SGCD: variants seen among roughly 807,000 people sequenced by gnomAD.
SGCD encodes the protein delta-sarcoglycan.
Under a neutral mutation model 36.6 loss-of-function variants are expected in SGCD, and 18 were observed. The ratio of observed to expected loss-of-function variants is 0.49; its 90% CI spans 0.34 to 0.73. The LOEUF is 0.73. Ranked by LOEUF, SGCD falls within the 30% of genes least tolerant of loss-of-function variation. The pLI is 0.01. For missense variants in SGCD, 387 were observed against 346.7 expected (o/e 1.12, Z -0.92); for synonymous variants, 133 against 130.6 (o/e 1.02, Z -0.12).
intron 3 of SGCD, among the ~76,000 whole-genome samples, chr5:156,406,534 T>A (rs1399361975): frequency 6.6e-6 from 1 of 151,978 alleles, no homozygotes; most frequent in East Asian, 1.9e-4. Context: ...GATTTCTACA[T>A]GTGTCCTTCA....
chr5:156,382,643 T>C (rs1246562570), intron 3 of SGCD, among the ~76,000 whole-genome samples: 2 of 152,152 alleles, frequency 1.3e-5, no homozygotes, highest in Non-Finnish European at 2.9e-5. Flanking sequence ...ATAATAATAA[T>C]AGTAGGGATA....
At chr5:156,557,300 G>C (rs1231279527) in intron 4 of SGCD, among the ~76,000 whole-genome samples, 1 of 152,160 alleles carries the variant, frequency 6.6e-6, no homozygotes, top group African/African-American at 2.4e-5. Flanking sequence ...GATGGGAGGT[G>C]TTAATCATAA....
intron 3 of SGCD, among the ~76,000 whole-genome samples, chr5:156,132,458 C>CTTGTTTTTTTTTTT (rs1762348299): frequency 1.9e-5 from 1 of 51,790 alleles, no homozygotes; most frequent in Non-Finnish European, 3.5e-5. Context: ...CTTACCAAGT[C>CTTGTTTTTTTTTTT]TTTTTTTTTT....
chr5:155,959,247 T>A (rs1757736791), intron 1 of SGCD, among the ~76,000 whole-genome samples: 1 of 152,156 alleles, frequency 6.6e-6, no homozygotes, highest in Admixed American at 6.5e-5. Flanking sequence ...TATATCTTCA[T>A]TCATTCCTTT....
intron 3 of SGCD, among the ~76,000 whole-genome samples, chr5:156,211,389 C>T (rs1345877806): frequency 1.3e-5 from 2 of 152,030 alleles, no homozygotes; most frequent in Non-Finnish European, 2.9e-5. Context: ...GGGCGGATCA[C>T]GTGGTCAGGA....
intron 7 of SGCD, among the ~76,000 whole-genome samples, chr5:156,692,277 A>G (rs899719785): frequency 6.6e-6 from 1 of 152,200 alleles, no homozygotes; most frequent in African/African-American, 2.4e-5. Context: ...ATCAATTGAC[A>G]GTAGTTGCCT....
At chr5:156,695,441 A>C (rs1406759282) in intron 7 of SGCD, among the ~76,000 whole-genome samples, 1 of 152,056 alleles carries the variant, frequency 6.6e-6, no homozygotes, top group African/African-American at 2.4e-5. Flanking sequence ...GCCAGCCTCC[A>C]TAATTGCATA....
At chr5:156,327,860 A>C (rs1178512013) in intron 1 of SGCD, among the ~76,000 whole-genome samples, 1 of 152,220 alleles carries the variant, frequency 6.6e-6, no homozygotes, top group Non-Finnish European at 1.5e-5. Flanking sequence ...CAACATTTGT[A>C]ATTCTGTTTC....
At chr5:156,107,044 A>C (rs1238069754) in intron 1 of SGCD, among the ~76,000 whole-genome samples, 1 of 152,108 alleles carries the variant, frequency 6.6e-6, no homozygotes, top group African/African-American at 2.4e-5. Context: ...CCTTGTCTAC[A>C]GGCTGAGGTC....
At position 155,978,465 on chromosome 5, in the gene SGCD, A is replaced by G. The variant is rs143298892; in HGVS notation, c.-282+108041A>G. Among the ~76,000 whole-genome samples, 708 of 152,366 alleles carry G rather than the reference A, an allele frequency of 4.6e-3. 6 individuals are homozygous for G. Among genetic ancestry groups the G allele is most frequent in the African/African-American group, 0.016 (658 of 41,586 alleles). Reference sequence around the variant, plus strand: ...AACACAGGCCATAGTGAAAGTCTCAATGATAGTGTGGCAACTGTGTCAATG... The same window carrying G: ...AACACAGGCCATAGTGAAAGTCTCAGTGATAGTGTGGCAACTGTGTCAATG... On this transcript the variant is annotated intron_variant, in intron 1 of 9. Coordinates refer to the SGCD transcript ENST00000517913.
chr5:155,845,852 T>C, the SGCD span, among the ~76,000 whole-genome samples: 1 of 152,218 alleles, frequency 6.6e-6, no homozygotes, highest in Non-Finnish European at 1.5e-5. Context: ...CAGAATGCTA[T>C]CTGAATTATG....
Position 156,344,680 on chromosome 5 carries a change from A to T in SGCD, c.192+3A>T. Reference sequence around the variant, plus strand: ...TCAAAGTCATGAACTTCACAATTGTAAGTAAAACCATCTAGGTTTGTTTAG... The same window carrying T: ...TCAAAGTCATGAACTTCACAATTGTTAGTAAAACCATCTAGGTTTGTTTAG... On this transcript the variant is annotated splice_donor_region_variant and intron_variant, in intron 3 of 8. Coordinates refer to ENST00000337851, the MANE Select transcript of SGCD (RefSeq NM_000337.6). The T allele has an allele frequency of 6.3e-7, 1 of 1,594,758 alleles. No individual in the cohort carries two copies. The highest frequency in any genetic ancestry group is 8.5e-7 in the Non-Finnish European group (1 of 1,170,512).
intron 3 of SGCD, among the ~76,000 whole-genome samples, chr5:156,165,148 C>T (rs1248935101): frequency 6.6e-6 from 1 of 151,994 alleles, no homozygotes; most frequent in Non-Finnish European, 1.5e-5. Context: ...GCAGGAGTTC[C>T]GGAGGGAAGG....
At chr5:156,426,697 C>A (rs1314346213) in intron 3 of SGCD, among the ~76,000 whole-genome samples, 2 of 152,038 alleles carry the variant, frequency 1.3e-5, no homozygotes, top group Admixed American at 1.3e-4. Context: ...GGTTTCAGCT[C>A]TTAGATTTAA....
intron 1 of SGCD, among the ~76,000 whole-genome samples, chr5:156,096,913 C>T (rs1761390230): frequency 6.6e-6 from 1 of 152,068 alleles, no homozygotes; most frequent in Admixed American, 6.5e-5. Context: ...TCTTAGTTTT[C>T]CTTCATCTGA....
chr5:156,470,966 C>CT lies in SGCD; in HGVS notation c.193-37626dup, dbSNP rs546954725. On this transcript the variant is annotated intron_variant, in intron 3 of 8. Transcript: ENST00000337851. ...AGCTCAATCAAAATCCCTAAGCCTT[C>CT]TTTTTTTTTGATGTTGAATCTGAAG... is the stretch of plus-strand genomic sequence containing the variant. 3.2e-3 allele frequency among the ~76,000 whole-genome samples: 484 copies of CT among 151,176 alleles called. 7 individuals carry two copies. Among genetic ancestry groups the CT allele is most frequent in the African/African-American group, 4.3e-3 (179 of 41,316 alleles).
upstream of SGCD, among the ~76,000 whole-genome samples, chr5:156,323,088 G>A (rs1055744551): frequency 5.9e-5 from 9 of 152,092 alleles, no homozygotes; most frequent in Non-Finnish European, 1.0e-4. Context: ...GAACATCATC[G>A]ACATAAATGT....
chr5:156,561,171 A>G (rs746011840), intron 4 of SGCD, among the ~76,000 whole-genome samples: 1 of 152,200 alleles, frequency 6.6e-6, no homozygotes, highest in Admixed American at 6.6e-5. Flanking sequence ...TTCCATTAAC[A>G]GGATTTGATT....
intron 6 of SGCD, among the ~76,000 whole-genome samples, chr5:156,642,166 G>A (rs1415631699): frequency 6.6e-6 from 1 of 152,014 alleles, no homozygotes; most frequent in African/African-American, 2.4e-5. Flanking sequence ...CCCATCATGG[G>A]CACTCTACCC....
Sources: allele counts gnomAD v4.1 joint callset (sites outside exome capture counted in the v4.1 genomes callset), GRCh38; gene constraint gnomAD v4.1.1; transcripts MANE v1.5; gene names NCBI Gene and HGNC (gene_info 2026-07-23, HGNC 2026-07-21).